The following MCC variants were observed in gnomAD, a reference collection of about 807,000 sequenced individuals.
MCC encodes colorectal mutant cancer protein.
A neutral mutation model predicts 116.2 loss-of-function variants in MCC; 90 were observed. That is an observed-to-expected ratio of 0.77 (90% CI 0.65 to 0.92). MCC has a LOEUF of 0.92. Ranked by LOEUF, MCC falls within the 40% of genes least tolerant of loss-of-function variation. The pLI is 0.00. For missense variants in MCC, 1,516 were observed against 1,312.2 expected, an observed-to-expected ratio of 1.16 and a Z score of -2.40; for synonymous variants, 578 against 510.5, an observed-to-expected ratio of 1.13 and a Z score of -1.78.
At chr5:113,050,755 C>G (rs1752431233) in intron 15 of MCC, among the ~76,000 whole-genome samples, 1 of 152,166 alleles carries the variant, frequency 6.6e-6, no homozygotes, top group South Asian at 2.1e-4. Context: ...CCTATGGGTG[C>G]CAGAAATGAA....
intron 5 of MCC, among the ~76,000 whole-genome samples, chr5:113,138,566 T>C (rs1317354568): frequency 6.6e-6 from 1 of 152,178 alleles, no homozygotes; most frequent in African/African-American, 2.4e-5. Flanking sequence ...GCTTGTGTCT[T>C]AATCTTAGAC....
rs536188909 is a variant in MCC, at chr5:113,027,183, C to A, written c.*119G>T. ...TTGGGGCACTCCATTGTCCAAGTGC[C>A]GACCTACCTGCCAGCCTTCCCTTTC... On this transcript the variant is annotated 3_prime_UTR_variant, in exon 19 of 19. Coordinates refer to ENST00000408903, the MANE Select transcript of MCC (RefSeq NM_001085377.2). 1.2e-5 allele frequency: 13 copies of A among 1,070,992 alleles called. No individual in the cohort carries two copies. The highest frequency in any genetic ancestry group is 1.7e-5 in the Non-Finnish European group (13 of 751,892). The allele number at this position is 1,070,992 out of a possible 1,614,324, so 66.3% of individuals were successfully genotyped here.
At position 113,100,123 on chromosome 5, in the gene MCC, C is replaced by T. The variant is rs116149415; in HGVS notation, c.1398+1616G>A. Among the ~76,000 whole-genome samples the T allele has an allele frequency of 3.8e-3, 576 of 152,202 alleles. 6 individuals carry two copies. Among genetic ancestry groups the T allele is most frequent in the African/African-American group, 0.013 (535 of 41,530 alleles). The stretch of plus-strand genomic sequence containing the variant: ...TGCATACTGAAAATATGCTTATGCA[C>T]GTGAGTTAAGACAAAATGATGTTCA... On this transcript the variant is annotated intron_variant, in intron 8 of 18. Transcript: ENST00000408903.
intron 3 of MCC, among the ~76,000 whole-genome samples, chr5:113,217,052 T>G (rs1445297240): frequency 6.6e-6 from 1 of 152,192 alleles, no homozygotes; most frequent in Non-Finnish European, 1.5e-5. Context: ...ATGGCTAGGG[T>G]CGTCTCAGCT....
chr5:113,296,302 G>A (rs899466991), intron 3 of MCC, among the ~76,000 whole-genome samples: 1 of 152,188 alleles, frequency 6.6e-6, no homozygotes, highest in Non-Finnish European at 1.5e-5. Context: ...CCCTGAAGGT[G>A]TTTATAGACT....
At chr5:113,030,778 G>A (rs1750899709) in intron 17 of MCC, among the ~76,000 whole-genome samples, 1 of 152,168 alleles carries the variant, frequency 6.6e-6, no homozygotes, top group Non-Finnish European at 1.5e-5. Flanking sequence ...TGTAAAAACT[G>A]AAAAGCTGAG....
At chr5:113,268,299 T>C (rs1392135247) in intron 3 of MCC, among the ~76,000 whole-genome samples, 1 of 152,170 alleles carries the variant, frequency 6.6e-6, no homozygotes, top group Non-Finnish European at 1.5e-5. Context: ...AACTCTACCT[T>C]TTCCCAGTTC....
At chr5:113,381,728 T>C (rs912868089) in intron 2 of MCC, among the ~76,000 whole-genome samples, 2 of 152,048 alleles carry the variant, frequency 1.3e-5, no homozygotes, top group African/African-American at 4.8e-5. Flanking sequence ...GTTGAGGCTG[T>C]AGTGAGCCAT....
intron 3 of MCC, among the ~76,000 whole-genome samples, chr5:113,249,110 G>A (rs1187932308): frequency 1.3e-5 from 2 of 151,496 alleles, no homozygotes; most frequent in Non-Finnish European, 1.5e-5. Context: ...CCAAAGTGCT[G>A]GGATTACAGG....
At chr5:113,334,678 C>A (rs62374372) in intron 3 of MCC, among the ~76,000 whole-genome samples, 20,281 of 148,338 alleles carry the variant, frequency 0.14, 2,154 homozygotes, top group Admixed American at 0.27. Flanking sequence ...GCAACCTCCG[C>A]CTCCCGGGTT....
chr5:113,131,008 A>G (rs184595690), intron 5 of MCC, among the ~76,000 whole-genome samples: 2 of 152,308 alleles, frequency 1.3e-5, no homozygotes, highest in East Asian at 1.9e-4. Context: ...TAGGGCTTCA[A>G]TATATGAATT....
intron 1 of MCC, among the ~76,000 whole-genome samples, chr5:113,415,709 C>T (rs964804397): frequency 6.6e-6 from 1 of 152,058 alleles, no homozygotes; most frequent in Admixed American, 6.6e-5. Flanking sequence ...GTGATGGGTT[C>T]GAACATCCTC....
At chr5:113,338,242 G>A (rs1403721816) in intron 3 of MCC, among the ~76,000 whole-genome samples, 2 of 152,212 alleles carry the variant, frequency 1.3e-5, no homozygotes, top group Non-Finnish European at 2.9e-5. Context: ...CCTTAAGTGA[G>A]TGTGCAGAGG....
chr5:113,384,544 C>T (rs545448296), intron 2 of MCC, among the ~76,000 whole-genome samples: 44 of 152,244 alleles, frequency 2.9e-4, no homozygotes, highest in Non-Finnish European at 4.9e-4. Flanking sequence ...GCCGAGATCC[C>T]GCCACTGCAC....
intron 3 of MCC, among the ~76,000 whole-genome samples, chr5:113,180,495 A>T (rs150693238): frequency 1.5e-3 from 231 of 152,262 alleles, no homozygotes; most frequent in African/African-American, 5.5e-3. Flanking sequence ...GGGTGCCTCG[A>T]TGAGATGAGA....
intron 1 of MCC, among the ~76,000 whole-genome samples, chr5:113,456,773 T>G (rs965156098): frequency 2.1e-5 from 3 of 145,912 alleles, no homozygotes; most frequent in Non-Finnish European, 4.5e-5. Flanking sequence ...GCCCGGCCAA[T>G]GAGCACTACT....
chr5:113,035,421 G>A (rs1016955580), intron 17 of MCC, among the ~76,000 whole-genome samples: 1 of 152,130 alleles, frequency 6.6e-6, no homozygotes, highest in Non-Finnish European at 1.5e-5. Flanking sequence ...CCTCTGCCCT[G>A]GTTTTCACAC....
intron 1 of MCC, among the ~76,000 whole-genome samples, chr5:113,468,133 A>G (rs2150429401): frequency 6.6e-6 from 1 of 152,320 alleles, no homozygotes; most frequent in East Asian, 1.9e-4. Flanking sequence ...GCAAACAGGG[A>G]CAATCTGACT....
chr5:113,046,893 C>T lies in MCC; in HGVS notation c.2655+2200G>A, dbSNP rs1435353406. Among the ~76,000 whole-genome samples, 4 of 152,170 alleles carry T rather than the reference C, an allele frequency of 2.6e-5. No individual in the cohort carries two copies. In the East Asian group the frequency reaches 5.8e-4, roughly 22 times the overall value. On this transcript the variant is annotated intron_variant, in intron 16 of 18. Transcript: ENST00000408903. Reference sequence around the variant, plus strand: ...CATAGTGACTTCTCTAAAGCCCAAACTGTATCACATCATCTCTTGCTGAGG... The same window carrying T: ...CATAGTGACTTCTCTAAAGCCCAAATTGTATCACATCATCTCTTGCTGAGG...
Sources: allele counts gnomAD v4.1 joint callset (sites outside exome capture counted in the v4.1 genomes callset), GRCh38; gene constraint gnomAD v4.1.1; transcripts MANE v1.5; gene names NCBI Gene and HGNC (gene_info 2026-07-23, HGNC 2026-07-21).